Variants in MAP2 observed in about 807,000 individuals in gnomAD.
MAP2 encodes microtubule associated protein 2, also known as microtubule-associated protein 2.
MAP2 carries 14 observed loss-of-function variants against 137.6 expected under a neutral mutation model. That is an observed-to-expected ratio of 0.10 (90% CI 0.07 to 0.16). The LOEUF is 0.16. Ranked by LOEUF, MAP2 falls within the 10% of genes least tolerant of loss-of-function variation. MAP2 has a pLI of 1.00. For synonymous variants in MAP2, 786 were observed against 782.3 expected (o/e 1.00, Z -0.08); for missense variants, 2,088 against 2,191.5 (o/e 0.95, Z 0.94).
intron 5 of MAP2, chr2:209,661,604 C>T (rs2043667787): frequency 1.0e-6 from 1 of 985,376 alleles, no homozygotes; most frequent in Non-Finnish European, 1.2e-6. Context: ...TCAGTGTTTT[C>T]CTTCTAAAGG....
chr2:209,662,449 C>A (rs1164609549), intron 5 of MAP2, among the ~76,000 whole-genome samples: 1 of 152,068 alleles, frequency 6.6e-6, no homozygotes, highest in African/African-American at 2.4e-5. Context: ...CAATTCAGAC[C>A]TATTTATGAA....
intron 1 of MAP2, among the ~76,000 whole-genome samples, chr2:209,498,493 A>C (rs2060013862): frequency 6.6e-6 from 1 of 152,176 alleles, no homozygotes; most frequent in Non-Finnish European, 1.5e-5. Flanking sequence ...ACCAGATGTG[A>C]GGGTTCCAAC....
intron 1 of MAP2, among the ~76,000 whole-genome samples, chr2:209,439,155 AAG>A (rs1445951419): frequency 1.3e-5 from 2 of 151,568 alleles, no homozygotes; most frequent in South Asian, 2.1e-4. Context: ...ATGGAGAACA[AAG>A]AGGGGTATCA....
At position 209,690,535 on chromosome 2, in the gene MAP2, T is replaced by C. The variant is rs933608173; in HGVS notation, c.455-2090T>C. ...TCTAATGGAGCTGAAAGTGTTCCTT[T>C]AGCAATATTTCTGTCGTTTCATGTA... On this transcript the variant is annotated intron_variant, in intron 7 of 15. Coordinates refer to ENST00000682079, the MANE Select transcript of MAP2 (RefSeq NM_001375505.1). The C allele has an allele frequency of 5.9e-5, 69 of 1,169,460 alleles. 1 individual carries two copies. The highest frequency in any genetic ancestry group is 3.5e-4 in the Admixed American group (10 of 28,980). The allele number at this position is 1,169,460 out of a possible 1,614,324, so 72.4% of individuals were successfully genotyped here.
intron 14 of MAP2, among the ~76,000 whole-genome samples, chr2:209,726,889 A>T (rs1182649422): frequency 6.6e-6 from 1 of 152,236 alleles, no homozygotes; most frequent in Non-Finnish European, 1.5e-5. Flanking sequence ...AATGGTTTTA[A>T]CTGTCTGTGT....
At chr2:209,478,209 G>C (rs1707835485) in intron 1 of MAP2, among the ~76,000 whole-genome samples, 1 of 152,144 alleles carries the variant, frequency 6.6e-6, no homozygotes, top group Admixed American at 6.6e-5. Context: ...ATCAATTTTA[G>C]TGGTTAGGAA....
intron 4 of MAP2, among the ~76,000 whole-genome samples, chr2:209,650,372 G>A (rs1427942959): frequency 6.6e-6 from 1 of 152,102 alleles, no homozygotes; most frequent in East Asian, 1.9e-4. Flanking sequence ...CTTTCAGAAG[G>A]CTCATAGTGT....
intron 1 of MAP2, among the ~76,000 whole-genome samples, chr2:209,497,441 A>G (rs1213643121): frequency 6.6e-6 from 1 of 152,192 alleles, no homozygotes; most frequent in Non-Finnish European, 1.5e-5. Context: ...ACTGTGAAAA[A>G]GTAAATATCT....
chr2:209,689,012 A>G (rs923273966), intron 7 of MAP2, among the ~76,000 whole-genome samples: 4 of 152,202 alleles, frequency 2.6e-5, no homozygotes, highest in African/African-American at 7.2e-5. Context: ...ATTAGGAACA[A>G]TTGTAGTGGA....
At chr2:209,692,358 A>G (rs2059153680) in intron 7 of MAP2, among the ~76,000 whole-genome samples, 1 of 151,716 alleles carries the variant, frequency 6.6e-6, no homozygotes, top group Admixed American at 6.6e-5. Context: ...AAAACAAAGA[A>G]AAAAAGAGAA....
intron 3 of MAP2, among the ~76,000 whole-genome samples, chr2:209,608,473 G>A (rs2085583043): frequency 6.6e-6 from 1 of 152,034 alleles, no homozygotes; most frequent in African/African-American, 2.4e-5. Context: ...TTTTTGTAGA[G>A]ATGGGATCTC....
In MAP2 at chr2:209,694,981, G is replaced by A. The variant is rs181175771; in HGVS notation, c.2811G>A (p.Ala937=). The A allele has an allele frequency of 1.3e-5, 21 of 1,614,150 alleles. No homozygotes were observed. In the Admixed American group the frequency reaches 1.3e-4, roughly 10 times the overall value. The part of the protein sequence containing the change: ...DEFSVDKEAS[A]HISGDKSGLS... ...TCAGTGTTGACAAAGAAGCATCCGCGCATATCTCTGGTGACAAATCAGGAC... is the reference window on the plus strand; with the variant it reads ...TCAGTGTTGACAAAGAAGCATCCGCACATATCTCTGGTGACAAATCAGGAC... The change falls in exon 8 of 16, where the codon GCG becomes GCA. Residue 937 remains alanine (A), a synonymous_variant. Coordinates refer to ENST00000682079, the MANE Select transcript of MAP2 (RefSeq NM_001375505.1).
At chr2:209,546,154 TAAAAAGA>T (rs755246675) in intron 2 of MAP2, among the ~76,000 whole-genome samples, 1 of 151,306 alleles carries the variant, frequency 6.6e-6, no homozygotes, top group Non-Finnish European at 1.5e-5. Context: ...AAAAGAAAAA[TAAAAAGA>T]AAAAAGAAAA....
rs572899423 is a variant in MAP2, at chr2:209,467,009, C to T, written c.-221-40583C>T. Among the ~76,000 whole-genome samples the T allele has an allele frequency of 3.5e-4, 53 of 152,262 alleles. 1 individual carries two copies. In the South Asian group the frequency reaches 0.011, roughly 32 times the overall value. ...AGCTCAGTATGTCCCAGTCAGAACT[C>T]ATCACCTCTTCCACACATTCTCCTT... is the stretch of plus-strand genomic sequence containing the variant. On this transcript the variant is annotated intron_variant, in intron 1 of 15. Coordinates refer to ENST00000682079, the MANE Select transcript of MAP2 (RefSeq NM_001375505.1).
intron 13 of MAP2, among the ~76,000 whole-genome samples, chr2:209,723,221 A>G (rs1343877843): frequency 6.6e-5 from 10 of 152,326 alleles, no homozygotes; most frequent in Non-Finnish European, 5.9e-5. Flanking sequence ...TGTGCTGAAC[A>G]AGATTTAGTA....
intron 1 of MAP2, among the ~76,000 whole-genome samples, chr2:209,439,129 G>A (rs1697118000): frequency 6.6e-6 from 1 of 151,382 alleles, no homozygotes. Flanking sequence ...CTAATTCCGA[G>A]GTTGGAGAGA....
At chr2:209,680,102 G>T (rs2053889583) in intron 6 of MAP2, among the ~76,000 whole-genome samples, 1 of 151,920 alleles carries the variant, frequency 6.6e-6, no homozygotes, top group African/African-American at 2.4e-5. Context: ...TTTTTCTCTG[G>T]TTCCTTTTCA....
intron 3 of MAP2, among the ~76,000 whole-genome samples, chr2:209,615,571 A>G (rs559512937): frequency 3.3e-5 from 5 of 152,212 alleles, no homozygotes; most frequent in African/African-American, 4.8e-5. Flanking sequence ...TTCCAAACAT[A>G]TAACTTTATG....
At chr2:209,597,941 A>G (rs537012589) in intron 3 of MAP2, among the ~76,000 whole-genome samples, 12 of 152,186 alleles carry the variant, frequency 7.9e-5, no homozygotes, top group African/African-American at 2.9e-4. Flanking sequence ...TATATTTATC[A>G]GATTAATGCC....
Sources: allele counts gnomAD v4.1 joint callset (sites outside exome capture counted in the v4.1 genomes callset), GRCh38; gene constraint gnomAD v4.1.1; transcripts MANE v1.5; gene names NCBI Gene and HGNC (gene_info 2026-07-23, HGNC 2026-07-21).